The following RPS6KC1 variants were observed in gnomAD, a reference collection of about 807,000 sequenced individuals.
RPS6KC1 encodes inactive ribosomal protein S6 kinase delta-1.
RPS6KC1 carries 54 observed loss-of-function variants against 103.8 expected under a neutral mutation model. That is an observed-to-expected ratio of 0.52 (90% confidence interval 0.42 to 0.65). The LOEUF (loss-of-function observed/expected upper bound fraction) is 0.65, where lower values mean the gene tolerates loss of function less well. Among genes scored for constraint, RPS6KC1 ranks in the 30% least tolerant of loss-of-function variants. The pLI is 0.00. For missense variants in RPS6KC1, 1,151 were observed against 1,253.8 expected (o/e 0.92, Z 1.24); for synonymous variants, 439 against 438.7 (o/e 1.00, Z -0.01).
chr1:213,697,913 A>G, the RPS6KC1 span, among the ~76,000 whole-genome samples: 1 of 151,864 alleles, frequency 6.6e-6, no homozygotes. Context: ...TGTAATGATG[A>G]TCTTAGCTTG....
At chr1:213,390,845 T>A in the RPS6KC1 span, among the ~76,000 whole-genome samples, 6 of 152,216 alleles carry the variant, frequency 3.9e-5, no homozygotes, top group Non-Finnish European at 8.8e-5. Context: ...ATCTTTATTT[T>A]GCAGCCAAAT....
the RPS6KC1 span, among the ~76,000 whole-genome samples, chr1:213,558,950 G>A: frequency 6.6e-6 from 1 of 152,194 alleles, no homozygotes; most frequent in Admixed American, 6.5e-5. Flanking sequence ...AGTTCAAGAG[G>A]CTTCCTGATT....
chr1:213,712,494 GGC>G, the RPS6KC1 span, among the ~76,000 whole-genome samples: 1 of 152,204 alleles, frequency 6.6e-6, no homozygotes, highest in Non-Finnish European at 1.5e-5. Flanking sequence ...TTGGCTCCCT[GGC>G]TTCAGCCCCC....
chr1:213,784,338 T>TCA, the RPS6KC1 span, among the ~76,000 whole-genome samples: 1 of 152,304 alleles, frequency 6.6e-6, no homozygotes, highest in East Asian at 1.9e-4. Context: ...GCTTGGAACC[T>TCA]CACACACATG....
At chr1:213,832,232 G>T in the RPS6KC1 span, among the ~76,000 whole-genome samples, 1 of 152,138 alleles carries the variant, frequency 6.6e-6, no homozygotes, top group South Asian at 2.1e-4. Context: ...AACCTTAGGG[G>T]GAAGAAGCCT....
intron 8 of RPS6KC1, among the ~76,000 whole-genome samples, chr1:213,177,818 G>C (rs2091974486): frequency 1.3e-5 from 2 of 152,018 alleles, no homozygotes; most frequent in Admixed American, 1.3e-4. Context: ...CTATTTCTTT[G>C]ACAAAGTATG....
At chr1:213,448,736 TC>T in the RPS6KC1 span, among the ~76,000 whole-genome samples, 1 of 143,884 alleles carries the variant, frequency 7.0e-6, no homozygotes, top group Non-Finnish European at 1.5e-5. Context: ...CTTTTCAATC[TC>T]CATCTCTTGG....
At chr1:213,209,418 A>G (rs1199844417) in intron 8 of RPS6KC1, among the ~76,000 whole-genome samples, 1 of 152,126 alleles carries the variant, frequency 6.6e-6, no homozygotes, top group Admixed American at 6.5e-5. Context: ...AAAGGAGGCC[A>G]GGTGTGGTGG....
At chr1:213,467,829 G>C in the RPS6KC1 span, among the ~76,000 whole-genome samples, 83 of 152,266 alleles carry the variant, frequency 5.5e-4, no homozygotes, top group African/African-American at 1.9e-3. Flanking sequence ...AACAAGGCTT[G>C]TTGGTGCCTT....
the RPS6KC1 span, among the ~76,000 whole-genome samples, chr1:213,485,407 C>A: frequency 6.6e-6 from 1 of 152,042 alleles, no homozygotes; most frequent in Non-Finnish European, 1.5e-5. Flanking sequence ...CCACCCCTAA[C>A]CTGCCACCCC....
intron 8 of RPS6KC1, among the ~76,000 whole-genome samples, chr1:213,187,274 G>C (rs868066623): frequency 8.3e-5 from 12 of 144,668 alleles, no homozygotes; most frequent in African/African-American, 2.8e-4. Context: ...TTTGAGACAG[G>C]ATCTCACTCT....
chr1:213,459,067 T>C, the RPS6KC1 span, among the ~76,000 whole-genome samples: 3 of 152,262 alleles, frequency 2.0e-5, no homozygotes, highest in East Asian at 5.8e-4. Flanking sequence ...TGAAATTTTC[T>C]TTTTTTGTTG....
At chr1:213,363,072 T>C in the RPS6KC1 span, among the ~76,000 whole-genome samples, 2 of 152,222 alleles carry the variant, frequency 1.3e-5, no homozygotes, top group African/African-American at 2.4e-5. Flanking sequence ...TAGCATCATC[T>C]GGTCATCAGA....
At chr1:213,769,830 T>G in the RPS6KC1 span, among the ~76,000 whole-genome samples, 1 of 152,032 alleles carries the variant, frequency 6.6e-6, no homozygotes, top group East Asian at 1.9e-4. Flanking sequence ...TTGACAAGAT[T>G]TAAAAAAAAA....
At chr1:213,127,950 G>A (rs551588443) in intron 5 of RPS6KC1, among the ~76,000 whole-genome samples, 111 of 152,192 alleles carry the variant, frequency 7.3e-4, no homozygotes, top group Non-Finnish European at 1.2e-3. Context: ...ACAGACCAAT[G>A]GATTTGAATG....
intron 8 of RPS6KC1, among the ~76,000 whole-genome samples, chr1:213,177,378 G>C (rs2091942164): frequency 6.6e-6 from 1 of 152,146 alleles, no homozygotes; most frequent in Admixed American, 6.5e-5. Context: ...TTTTTATGAA[G>C]CACCTTAATG....
chr1:213,482,543 T>G, the RPS6KC1 span, among the ~76,000 whole-genome samples: 4 of 101,876 alleles, frequency 3.9e-5, no homozygotes, highest in Non-Finnish European at 7.8e-5. Flanking sequence ...ACTTGAGGTT[T>G]TTTTTTTTTT....
chr1:213,324,020 A>G, the RPS6KC1 span, among the ~76,000 whole-genome samples: 2 of 152,274 alleles, frequency 1.3e-5, no homozygotes, highest in Non-Finnish European at 2.9e-5. Context: ...TACTAACTTT[A>G]TCTGTTTATT....
chr1:213,421,251 A>C, the RPS6KC1 span, among the ~76,000 whole-genome samples: 1 of 151,900 alleles, frequency 6.6e-6, no homozygotes, highest in Non-Finnish European at 1.5e-5. Context: ...AGCTGGGATT[A>C]CAGGTGCGCG....
Sources: gnomAD v4.1 joint callset for allele counts (sites outside exome capture counted in the v4.1 genomes callset) on GRCh38, gnomAD v4.1.1 for gene constraint, MANE v1.5 for transcripts, NCBI Gene and HGNC (gene_info 2026-07-23, HGNC 2026-07-21) for gene names.